The following DNAH8 variants were observed in gnomAD, a reference collection of about 807,000 sequenced individuals.
DNAH8 encodes axonemal beta dynein heavy chain 8.
DNAH8 carries 382 observed loss-of-function variants against 562.1 expected under a neutral mutation model. That is an observed-to-expected ratio of 0.68 (90% CI 0.63 to 0.74). The LOEUF is 0.74. DNAH8 is among the 30% of genes least tolerant of loss of function. The pLI, the probability that DNAH8 is intolerant of heterozygous loss-of-function variation, is 0.00. For synonymous variants in DNAH8, 1,881 were observed against 1,919.4 expected (o/e 0.98, Z 0.52); for missense variants, 5,203 against 5,620.4 (o/e 0.93, Z 2.37).
At chr6:38,863,773 G>A (rs1382577078) in intron 44 of DNAH8, 100 bp from the exon 45 acceptor site, 12 of 925,818 alleles carry the variant, frequency 1.3e-5, no homozygotes, top group East Asian at 5.4e-5. Context: ...ACATAATCCC[G>A]TTTCAATGTA....
chr6:38,857,589 C>G lies in DNAH8; in HGVS notation c.5805C>G (p.Asp1935Glu). 6.2e-7 allele frequency: 1 copy of G among 1,613,714 alleles called. No individual in the cohort carries two copies. The highest frequency in any genetic ancestry group is 2.2e-5 in the East Asian group (1 of 44,808). The change falls in exon 42 of 93, where the codon GAC becomes GAG. Residue 1935 changes from aspartate to glutamate, a missense_variant. Transcript: ENST00000327475. ...SEEALRNAKD[D>E]RKIMQVTNQK... ...AGGCTTTACGTAATGCAAAAGATGA[C>G]AGGAAAATCATGCAAGTGACCAATC... is the stretch of plus-strand genomic sequence containing the variant.
chr6:38,818,318 T>C (rs558177647), intron 26 of DNAH8, among the ~76,000 whole-genome samples: 21 of 152,104 alleles, frequency 1.4e-4, no homozygotes, highest in African/African-American at 4.8e-4. Context: ...TGTAGCAGGC[T>C]AAACATAAAA....
chr6:38,847,118 T>C (rs912965864), intron 36 of DNAH8, among the ~76,000 whole-genome samples: 3 of 152,140 alleles, frequency 2.0e-5, no homozygotes, highest in Admixed American at 6.5e-5. Flanking sequence ...TCGGTAAGAC[T>C]TGACTGTAGG....
At chr6:38,917,602 C>T (rs1008539948) in intron 69 of DNAH8, among the ~76,000 whole-genome samples, 196 bp downstream of exon 69, 2 of 152,174 alleles carry the variant, frequency 1.3e-5, no homozygotes, top group Non-Finnish European at 2.9e-5. Context: ...TGACATCTGT[C>T]CAGAACCGGT....
intron 59 of DNAH8, 104 bp downstream of exon 59, chr6:38,894,968 G>T (rs1779581064): frequency 3.3e-6 from 4 of 1,222,722 alleles, no homozygotes; most frequent in Non-Finnish European, 4.4e-6. Context: ...TGCTCTTGTT[G>T]CCCAGGCTGG....
In DNAH8 at chr6:39,030,199, C is replaced by T. The variant is rs537682653; in HGVS notation, c.13931C>T (p.Thr4644Met). ...LMESTPKVLF[T>M]QLPVLHIFAI... The stretch of plus-strand genomic sequence containing the variant: ...GAATCCACCCCCAAGGTACTCTTCA[C>T]GCAGTTACCCGTGCTCCACATCTTT... Residue 4644 changes from threonine to methionine, a missense_variant, in exon 93 of 93, where the codon ACG becomes ATG. Thr to Met is a moderately conservative substitution (Grantham distance 81). This residue lies in a region of DNAH8 where 1,399 missense variants were observed against 1,518.4 expected (regional missense o/e 0.92). Coordinates refer to ENST00000327475, the MANE Select transcript of DNAH8 (RefSeq NM_001206927.2). The T allele has an allele frequency of 1.8e-5, 29 of 1,614,134 alleles. No individual in the cohort carries two copies. The highest frequency in any genetic ancestry group is 3.3e-5 in the South Asian group (3 of 91,086).
intron 53 of DNAH8, 133 bp from the exon 54 acceptor site, chr6:38,882,777 A>G (rs1778600754): frequency 1.6e-6 from 1 of 607,934 alleles, no homozygotes. Flanking sequence ...CAGATATATT[A>G]ACATGTTTTA....
Position 38,737,385 on chromosome 6 carries a change from G to C in DNAH8, c.952+129G>C, listed in dbSNP as rs915461271. ...AAGTAATTATGAGACTTAGAGGCAAGAAATGAAATCATTAGAACTCATTTT... is the reference window on the plus strand; with the variant it reads ...AAGTAATTATGAGACTTAGAGGCAACAAATGAAATCATTAGAACTCATTTT... On this transcript the variant is annotated intron_variant, in intron 6 of 92. Coordinates refer to ENST00000327475, the MANE Select transcript of DNAH8 (RefSeq NM_001206927.2). 8.1e-5 allele frequency: 40 copies of C among 495,046 alleles called. No homozygotes were observed. In the East Asian group the frequency reaches 1.4e-3, roughly 17 times the overall value. The allele number at this position is 495,046 out of a possible 1,614,324, so 30.7% of individuals were successfully genotyped here.
chr6:38,915,485 A>C (rs973863477), intron 68 of DNAH8, 108 bp downstream of exon 68: 24 of 957,556 alleles, frequency 2.5e-5, no homozygotes, highest in Non-Finnish European at 3.3e-5. Context: ...AATGTGATTG[A>C]TAATCTCTGA....
intron 3 of DNAH8, among the ~76,000 whole-genome samples, chr6:38,726,829 G>T (rs929794070): frequency 6.7e-6 from 1 of 150,198 alleles, no homozygotes. Flanking sequence ...GAAATTGGGG[G>T]TATATGGAAA....
intron 3 of DNAH8, among the ~76,000 whole-genome samples, chr6:38,729,571 G>A (rs1763502893): frequency 6.6e-6 from 1 of 152,116 alleles, no homozygotes; most frequent in Non-Finnish European, 1.5e-5. Flanking sequence ...CCCCAAGTGA[G>A]CTTTTAAGAA....
chr6:38,786,734 A>G, intron 17 of DNAH8, 31 bp from the exon 18 acceptor site: 1 of 1,594,256 alleles, frequency 6.3e-7, no homozygotes, highest in South Asian at 1.1e-5. Context: ...GAAATTCAGA[A>G]TGAGTAATGT....
Position 38,866,879 on chromosome 6 carries a change from A to G in DNAH8, c.6693+3A>G. On this transcript the variant is annotated splice_donor_region_variant and intron_variant, in intron 47 of 92. Transcript: ENST00000327475. ...GTGAAGAGCAACTTACTAAACAGGT[A>G]ACTTTATAGATCTGCTTTCCTCCTA... The G allele has an allele frequency of 6.4e-7, 1 of 1,561,810 alleles. No individual in the cohort carries two copies. The highest frequency in any genetic ancestry group is 8.8e-7 in the Non-Finnish European group (1 of 1,135,482).
intron 11 of DNAH8, among the ~76,000 whole-genome samples, chr6:38,765,917 A>G (rs1458533319): frequency 6.6e-6 from 1 of 152,192 alleles, no homozygotes; most frequent in East Asian, 1.9e-4. Context: ...GTTCCCCCCA[A>G]TATTAAAAAT....
At chr6:39,028,538 T>C (rs982703357) in intron 92 of DNAH8, among the ~76,000 whole-genome samples, 9 of 152,224 alleles carry the variant, frequency 5.9e-5, no homozygotes, top group Non-Finnish European at 1.3e-4. Context: ...ACCAGTCACA[T>C]TGGATTTAGG....
intron 82 of DNAH8, among the ~76,000 whole-genome samples, chr6:38,956,638 C>T (rs1051237103): frequency 2.0e-5 from 3 of 152,194 alleles, no homozygotes; most frequent in Admixed American, 1.3e-4. Context: ...GTGTCCCTGA[C>T]CAACTGTCTC....
At chr6:38,928,932 A>G (rs1782319883) in intron 74 of DNAH8, among the ~76,000 whole-genome samples, 1 of 152,184 alleles carries the variant, frequency 6.6e-6, no homozygotes, top group African/African-American at 2.4e-5. Context: ...GGAATTCAGA[A>G]TTGCAGTTTT....
At chr6:38,815,290 C>T (rs2150320133) in intron 25 of DNAH8, among the ~76,000 whole-genome samples, 178 bp from the exon 26 acceptor site, 1 of 152,266 alleles carries the variant, frequency 6.6e-6, no homozygotes, top group Non-Finnish European at 1.5e-5. Context: ...AGCGGGAAAA[C>T]TTCAGGATAG....
intron 82 of DNAH8, among the ~76,000 whole-genome samples, chr6:38,970,101 A>G (rs1421556125): frequency 6.6e-6 from 1 of 152,180 alleles, no homozygotes; most frequent in Non-Finnish European, 1.5e-5. Flanking sequence ...CAACTGTCCC[A>G]GGGCCACCTG....
Sources: gnomAD v4.1 joint callset for allele counts (sites outside exome capture counted in the v4.1 genomes callset) on GRCh38, gnomAD v4.1.1 for gene constraint, gnomAD v4.1.1 regional missense constraint, MANE v1.5 for transcripts, NCBI Gene and HGNC (gene_info 2026-07-23, HGNC 2026-07-21) for gene names.